Variants in MS4A5 observed in about 807,000 individuals in gnomAD.
The protein encoded by MS4A5 is membrane spanning 4-domains A5.
Under a neutral mutation model 18.2 loss-of-function variants are expected in MS4A5, and 15 were observed. That is an observed-to-expected ratio of 0.83 (90% CI 0.55 to 1.27). MS4A5 has a LOEUF of 1.27. Ranked by LOEUF, MS4A5 falls within the 50% of genes most tolerant of loss-of-function variation. The pLI is 0.00. For missense variants in MS4A5, 232 were observed against 225.7 expected (o/e 1.03, Z -0.18); for synonymous variants, 89 against 78.7 (o/e 1.13, Z -0.69).
At chr11:60,430,016 A>T (rs2135169411) in intron 1 of MS4A5, among the ~76,000 whole-genome samples, 189 bp downstream of exon 1, 1 of 152,298 alleles carries the variant, frequency 6.6e-6, no homozygotes, top group South Asian at 2.1e-4. Context: ...TCTGGACTTG[A>T]CAAAAAATGC....
intron 4 of MS4A5, among the ~76,000 whole-genome samples, chr11:60,447,170 TTATGC>T (rs2086143914): frequency 7.5e-6 from 1 of 134,138 alleles, no homozygotes; most frequent in Non-Finnish European, 1.7e-5. Context: ...CTATCCTATG[TTATGC>T]TATGCTATGC....
At chr11:60,444,299 A>G (rs1443793599) in intron 4 of MS4A5, among the ~76,000 whole-genome samples, 1 of 152,226 alleles carries the variant, frequency 6.6e-6, no homozygotes, top group Non-Finnish European at 1.5e-5. Flanking sequence ...AATTGATTTC[A>G]CATTCAAACA....
chr11:60,443,563 A>G (rs1328962433), intron 4 of MS4A5, among the ~76,000 whole-genome samples: 2 of 152,036 alleles, frequency 1.3e-5, no homozygotes, highest in African/African-American at 4.8e-5. Context: ...AAGAAATTAG[A>G]TTAAAAAATT....
chr11:60,435,428 C>A (rs755062039), intron 4 of MS4A5: 2 of 440,574 alleles, frequency 4.5e-6, no homozygotes, highest in South Asian at 1.6e-5. Context: ...GGGGGAGGAG[C>A]CAAGATGGCC....
chr11:60,447,509 G>A, intron 4 of MS4A5, 140 bp from the exon 5 acceptor site: 1 of 590,708 alleles, frequency 1.7e-6, no homozygotes, highest in South Asian at 2.1e-5. Context: ...TCACTGATTT[G>A]ATTCCTAAGC....
chr11:60,429,776 A>C lies in MS4A5; in HGVS notation c.102A>C (p.Ser34=). The C allele has an allele frequency of 6.2e-7, 1 of 1,614,148 alleles. No homozygotes were observed. Among genetic ancestry groups the C allele is most frequent in the Non-Finnish European group, 8.5e-7 (1 of 1,180,026 alleles). Reference sequence around the variant, plus strand: ...CAGAACTTTCAGCCACGACCTTTTCAACTCAAAGCCCCTTGCAAAAATTAT... The same window carrying C: ...CAGAACTTTCAGCCACGACCTTTTCCACTCAAAGCCCCTTGCAAAAATTAT... ...ESTELSATTF[S]TQSPLQKLFA... Residue 34 remains serine (S), a synonymous_variant, in exon 1 of 5, where the codon TCA becomes TCC. Transcript: ENST00000300190.
rs774116834 is a variant in MS4A5, at chr11:60,429,704, GT to G, written c.33del (p.Leu12TrpfsTer36). On this transcript the variant is annotated frameshift_variant, in exon 1 of 5. Coordinates refer to ENST00000300190, the MANE Select transcript of MS4A5 (RefSeq NM_023945.3). LOFTEE classifies it high-confidence loss of function. MDSSTAHSPV[F>X]LVFPPEITAS... ...ATTCAAGCACCGCACACAGTCCGGT[GT>G]TTCTGGTATTTCCTCCAGAAATCAC... 10 of 1,613,774 alleles carry G rather than the reference GT, an allele frequency of 6.2e-6. No homozygotes were observed. In the South Asian group the frequency reaches 1.1e-4, roughly 18 times the overall value.
At chr11:60,434,364 T>C (rs2086067393) in intron 4 of MS4A5, among the ~76,000 whole-genome samples, 1 of 152,018 alleles carries the variant, frequency 6.6e-6, no homozygotes, top group African/African-American at 2.4e-5. Context: ...AAGATTAGTG[T>C]AAAAGAATGT....
intron 4 of MS4A5, among the ~76,000 whole-genome samples, chr11:60,434,450 C>A (rs1332974152): frequency 6.6e-6 from 1 of 152,040 alleles, no homozygotes; most frequent in Non-Finnish European, 1.5e-5. Flanking sequence ...ATTGAAAACC[C>A]ACCATCTAAG....
intron 2 of MS4A5, among the ~76,000 whole-genome samples, chr11:60,431,400 C>T (rs760420439): frequency 2.0e-5 from 3 of 152,062 alleles, no homozygotes; most frequent in East Asian, 3.9e-4. Context: ...TTTTGAGCTG[C>T]GGAGAGGTAT....
chr11:60,431,608 C>T (rs890469246), intron 2 of MS4A5, among the ~76,000 whole-genome samples: 8 of 152,150 alleles, frequency 5.3e-5, no homozygotes, highest in African/African-American at 1.9e-4. Context: ...ATAGGAAAGG[C>T]ATCAACAAAA....
intron 4 of MS4A5, among the ~76,000 whole-genome samples, chr11:60,434,903 C>T (rs760494556): frequency 1.3e-5 from 2 of 152,122 alleles, no homozygotes; most frequent in Non-Finnish European, 2.9e-5. Flanking sequence ...AGATTTTCTC[C>T]GTATTAAACT....
intron 4 of MS4A5, among the ~76,000 whole-genome samples, chr11:60,441,456 T>TAAAAAAA (rs201729443): frequency 5.7e-5 from 6 of 105,852 alleles, no homozygotes; most frequent in Non-Finnish European, 9.3e-5. Flanking sequence ...AAAAGGCCAT[T>TAAAAAAA]AAAAAAAAAA....
chr11:60,433,805 G>A lies in MS4A5; in HGVS notation c.380G>A (p.Gly127Glu), dbSNP rs779269448. ...SRIMNFLSAL[G>E]AIAGIILLTF... ...ATAATGAATTTTCTTAGTGCCCTGG[G>A]AGCAATAGCTGGAATCATTCTCCTC... Residue 127 changes from glycine to glutamate, a missense_variant, in exon 4 of 5, where the codon GGA becomes GAA. Gly to Glu is a moderately conservative substitution (Grantham distance 98). Coordinates refer to ENST00000300190, the MANE Select transcript of MS4A5 (RefSeq NM_023945.3). 2 of 1,613,932 alleles carry A rather than the reference G, an allele frequency of 1.2e-6. No homozygotes were observed. Among genetic ancestry groups the A allele is most frequent in the South Asian group, 1.1e-5 (1 of 91,072 alleles).
chr11:60,430,698 G>T, intron 1 of MS4A5, 98 bp from the exon 2 acceptor site: 1 of 1,402,708 alleles, frequency 7.1e-7, no homozygotes, highest in Non-Finnish European at 9.8e-7. Flanking sequence ...ACCAAAGAGA[G>T]TAATTGCCAA....
intron 4 of MS4A5, among the ~76,000 whole-genome samples, chr11:60,443,909 G>A (rs767003700): frequency 6.6e-6 from 1 of 152,006 alleles, no homozygotes; most frequent in Non-Finnish European, 1.5e-5. Context: ...AAAACCACCC[G>A]CCATGACTAA....
intron 2 of MS4A5, 59 bp from the exon 3 acceptor site, chr11:60,432,352 G>A: frequency 8.6e-7 from 1 of 1,164,866 alleles, no homozygotes; most frequent in Non-Finnish European, 1.3e-6. Context: ...GGTCTATTCT[G>A]TAAGAACTCA....
At chr11:60,439,878 C>T (rs1187725303) in intron 4 of MS4A5, among the ~76,000 whole-genome samples, 1 of 83,706 alleles carries the variant, frequency 1.2e-5, no homozygotes, top group Non-Finnish European at 2.5e-5. Flanking sequence ...TCAATGCCAT[C>T]CCCATCAAGC....
intron 3 of MS4A5, among the ~76,000 whole-genome samples, chr11:60,432,783 A>AC (rs2086058048): frequency 1.3e-5 from 2 of 150,486 alleles, no homozygotes; most frequent in Middle Eastern, 3.2e-3. Context: ...AAAAAAAAAC[A>AC]AAAAAAAGTA....
Sources: gnomAD v4.1 joint callset for allele counts (sites outside exome capture counted in the v4.1 genomes callset) on GRCh38, gnomAD v4.1.1 for gene constraint, MANE v1.5 for transcripts, NCBI Gene and HGNC (gene_info 2026-07-23, HGNC 2026-07-21) for gene names.